The following CCDC62 variants were observed in gnomAD, a reference collection of about 807,000 sequenced individuals.
CCDC62 encodes the protein coiled-coil domain-containing protein 62.
In CCDC62, 72 loss-of-function variants were observed where a neutral mutation model predicts 80.8. That is an observed-to-expected ratio of 0.89 (90% CI 0.74 to 1.08). The LOEUF is 1.08. Among genes scored for constraint, CCDC62 ranks in the 50% least tolerant of loss-of-function variants. The probability of loss-of-function intolerance (pLI) is 0.00; values close to 1 mark genes in which losing one functional copy is unlikely to be tolerated. For missense variants in CCDC62, 704 were observed against 809.4 expected, an observed-to-expected ratio of 0.87 and a Z score of 1.58; for synonymous variants, 286 against 296.5, an observed-to-expected ratio of 0.96 and a Z score of 0.36.
At chr12:122,785,645 C>A in intron 3 of CCDC62, 74 bp from the exon 4 acceptor site, 1 of 981,998 alleles carries the variant, frequency 1.0e-6, no homozygotes, top group Non-Finnish European at 1.6e-6. Flanking sequence ...GAAGTAAGCG[C>A]AGATTGTGGC....
intron 6 of CCDC62, among the ~76,000 whole-genome samples, chr12:122,795,558 G>A (rs2030889773): frequency 1.3e-5 from 2 of 152,042 alleles, no homozygotes; most frequent in Admixed American, 1.3e-4. Context: ...CGAGTAGCTG[G>A]GACTACAGGC....
rs1263719641 is a variant in CCDC62 at position 122,801,800 on chromosome 12, G to A, written c.1654G>A (p.Gly552Arg). ...GCAGAGAATTGTCCGCCTCAAATCT[G>A]GGTGCACCTGTTCAGAAAGCATCTG... The part of the protein sequence containing the change: ...KMQRIVRLKS[G>R]CTCSESICGT... The change falls in exon 9 of 13, where the codon GGG becomes AGG. Residue 552 changes from glycine (G) to arginine (R), a missense_variant. Coordinates refer to ENST00000253079, the MANE Select transcript of CCDC62 (RefSeq NM_201435.5). The A allele has an allele frequency of 1.9e-5, 30 of 1,613,984 alleles. No homozygotes were observed. The highest frequency in any genetic ancestry group is 2.5e-5 in the Non-Finnish European group (29 of 1,180,032).
intron 3 of CCDC62, among the ~76,000 whole-genome samples, chr12:122,785,226 G>GT (rs147547224): frequency 5.9e-5 from 9 of 152,102 alleles, no homozygotes; most frequent in African/African-American, 2.2e-4. Flanking sequence ...AGCACTATGT[G>GT]TTTTTTTAAA....
chr12:122,801,791 C>G lies in CCDC62; in HGVS notation c.1645C>G (p.Leu549Val). The change falls in exon 9 of 13, where the codon CTC (leucine) becomes GTC (valine). Residue 549 changes from leucine to valine, a missense_variant. By Grantham distance (32) the Leu-to-Val change is conservative. Coordinates refer to ENST00000253079, the MANE Select transcript of CCDC62 (RefSeq NM_201435.5). The stretch of plus-strand genomic sequence containing the variant: ...TTCCAAAATGCAGAGAATTGTCCGC[C>G]TCAAATCTGGGTGCACCTGTTCAGA... ...KPSKMQRIVR[L>V]KSGCTCSESI... The G allele has an allele frequency of 6.2e-7, 1 of 1,614,110 alleles. No homozygotes were observed. The highest frequency in any genetic ancestry group is 8.5e-7 in the Non-Finnish European group (1 of 1,180,014).
At chr12:122,822,031 C>T (rs978375372) in intron 11 of CCDC62, among the ~76,000 whole-genome samples, 1 of 145,498 alleles carries the variant, frequency 6.9e-6, no homozygotes, top group African/African-American at 2.5e-5. Context: ...GAATGGGCAA[C>T]AATGGGAGAC....
chr12:122,812,799 GAA>G (rs1180528440), intron 10 of CCDC62, among the ~76,000 whole-genome samples: 1 of 146,996 alleles, frequency 6.8e-6, no homozygotes, highest in African/African-American at 2.6e-5. Flanking sequence ...AAGAAAGAAA[GAA>G]AGAAAGAAAG....
chr12:122,799,395 A>C (rs2031158366), intron 8 of CCDC62, among the ~76,000 whole-genome samples: 1 of 152,040 alleles, frequency 6.6e-6, no homozygotes, highest in Non-Finnish European at 1.5e-5. Flanking sequence ...AGGGCATGGC[A>C]CTCGCCCAAA....
intron 10 of CCDC62, among the ~76,000 whole-genome samples, chr12:122,812,481 T>C (rs10847771): frequency 0.84 from 123,461 of 146,522 alleles, 53,264 homozygotes; most frequent in East Asian, 0.99. Flanking sequence ...TGGCTCACAC[T>C]TGTAATCCCA....
intron 10 of CCDC62, among the ~76,000 whole-genome samples, chr12:122,812,757 GA>G (rs1473452678): frequency 7.7e-5 from 5 of 65,142 alleles, no homozygotes; most frequent in Non-Finnish European, 1.2e-4. Context: ...GAGAGGGAGG[GA>G]GAGAGAGAGA....
At chr12:122,818,613 C>T (rs777876958) in intron 11 of CCDC62, among the ~76,000 whole-genome samples, 8 of 151,918 alleles carry the variant, frequency 5.3e-5, no homozygotes, top group Non-Finnish European at 1.0e-4. Flanking sequence ...TAGAGTGGGA[C>T]ACTGTCTAAG....
chr12:122,774,683 GCAGCCTTCCTTGC>G lies in CCDC62; in HGVS notation c.15_27del (p.Ala6GlyfsTer28). 1 of 1,256,286 alleles carries G rather than the reference GCAGCCTTCCTTGC, an allele frequency of 8.0e-7. No individual in the cohort carries two copies. The highest frequency in any genetic ancestry group is 3.8e-5 in the South Asian group (1 of 26,522). 77.8% of individuals were successfully genotyped at this position (1,256,286 alleles called of 1,614,324 possible). A position where few individuals can be genotyped will look rare whatever the true frequency, so the allele number is the denominator to read the frequency against. ...GGAGGAAACACCTATGAACCCTCCGGCAGCCTTCCTTGCCGGGCGCCAGGTAAGCAGCGGTTCC... is the reference window on the plus strand; with the variant it reads ...GGAGGAAACACCTATGAACCCTCCGGCGGGCGCCAGGTAAGCAGCGGTTCC... On this transcript the variant is annotated frameshift_variant, in exon 1 of 13. Transcript: ENST00000253079. LOFTEE classifies it high-confidence loss of function.
intron 10 of CCDC62, among the ~76,000 whole-genome samples, chr12:122,808,334 C>T (rs889447188): frequency 6.6e-6 from 1 of 152,004 alleles, no homozygotes; most frequent in Non-Finnish European, 1.5e-5. Flanking sequence ...ATTACTTTTG[C>T]ACCAACCTAT....
intron 1 of CCDC62, among the ~76,000 whole-genome samples, chr12:122,775,334 T>C (rs966759457): frequency 1.3e-5 from 2 of 151,898 alleles, no homozygotes; most frequent in South Asian, 4.1e-4. Flanking sequence ...AACTCCACTG[T>C]ACCAAAAAGT....
At chr12:122,820,478 C>G (rs1320984495) in intron 11 of CCDC62, among the ~76,000 whole-genome samples, 1 of 152,152 alleles carries the variant, frequency 6.6e-6, no homozygotes, top group Non-Finnish European at 1.5e-5. Context: ...GGCTCTTGGC[C>G]TTTCTCGTGG....
chr12:122,817,481 T>C (rs1372921433), intron 11 of CCDC62, among the ~76,000 whole-genome samples: 2 of 152,012 alleles, frequency 1.3e-5, no homozygotes, highest in Non-Finnish European at 2.9e-5. Context: ...TGAGCCACCA[T>C]GCCTGGTTAA....
chr12:122,806,524 G>T (rs547463292), intron 10 of CCDC62, among the ~76,000 whole-genome samples: 1 of 151,730 alleles, frequency 6.6e-6, no homozygotes, highest in South Asian at 2.1e-4. Flanking sequence ...AGTCACCCAG[G>T]CTGTAGTGCA....
chr12:122,801,722 C>T lies in CCDC62; in HGVS notation c.1576C>T (p.Pro526Ser), dbSNP rs141689290. 1.9e-6 allele frequency: 3 copies of T among 1,614,138 alleles called. No homozygotes were observed. In the South Asian group the frequency reaches 3.3e-5, roughly 18 times the overall value. Residue 526 changes from proline (P) to serine (S), a missense_variant, in exon 9 of 13, where the codon CCA becomes TCA. By Grantham distance (74) the Pro-to-Ser change is moderately conservative (BLOSUM62 -1). Transcript: ENST00000253079. ...CCCGAGTAACTTCATAATTGAAGCC[C>T]CAGGCCACATGTCTGACGTGGAGTG... ...CHPSNFIIEAPGHMSDVEWMS... is the reference protein window; with the variant it reads ...CHPSNFIIEASGHMSDVEWMS...
intron 3 of CCDC62, among the ~76,000 whole-genome samples, chr12:122,784,131 G>T (rs1283211370): frequency 6.6e-6 from 1 of 152,086 alleles, no homozygotes; most frequent in African/African-American, 2.4e-5. Context: ...AATGTCATAT[G>T]CTTGGAATCC....
chr12:122,782,082 C>A (rs894829320), intron 3 of CCDC62, among the ~76,000 whole-genome samples: 1 of 151,314 alleles, frequency 6.6e-6, no homozygotes, highest in African/African-American at 2.4e-5. Flanking sequence ...CGCCTGTAGT[C>A]CCAGCCTCTG....
Sources: gnomAD v4.1 joint callset for allele counts (sites outside exome capture counted in the v4.1 genomes callset) on GRCh38, gnomAD v4.1.1 for gene constraint, MANE v1.5 for transcripts, NCBI Gene and HGNC (gene_info 2026-07-23, HGNC 2026-07-21) for gene names.